Variants in GALNT9 observed in about 807,000 individuals in gnomAD.
GALNT9 encodes polypeptide N-acetylgalactosaminyltransferase 9.
Under a neutral mutation model 63.1 loss-of-function variants are expected in GALNT9, and 47 were observed. The observed-to-expected ratio is 0.75, with a 90% CI of 0.59 to 0.95. The LOEUF is 0.95. Ranked by LOEUF, GALNT9 falls within the 40% of genes least tolerant of loss-of-function variation. GALNT9 has a pLI of 0.00. For synonymous variants in GALNT9, 396 were observed against 365.7 expected, an observed-to-expected ratio of 1.08 and a Z score of -0.94; for missense variants, 829 against 874.8, an observed-to-expected ratio of 0.95 and a Z score of 0.66.
At chr12:132,288,464 T>C (rs1404777652) in intron 1 of GALNT9, among the ~76,000 whole-genome samples, 1 of 152,264 alleles carries the variant, frequency 6.6e-6, no homozygotes, top group Non-Finnish European at 1.5e-5. Flanking sequence ...TTTTTCACTT[T>C]GGAAAGTCTG....
At position 132,321,881 on chromosome 12, in the gene GALNT9, G is replaced by A. The variant is rs998730952; in HGVS notation, c.238+7085C>T. ...AGGCCGGGAGTTGGATGTCAGGCGC[G>A]CAGGGCCACACTCCCTCTGAAGGCA... On this transcript the variant is annotated intron_variant, in intron 1 of 10. Coordinates refer to ENST00000328957, the MANE Select transcript of GALNT9 (RefSeq NM_001122636.2). Among the ~76,000 whole-genome samples, 16 of 151,964 alleles carry A rather than the reference G, an allele frequency of 1.1e-4. No homozygotes were observed. The East Asian group carries it at 1.4e-3, about 13-fold the overall frequency.
At chr12:132,206,456 G>A (rs1005944904) in intron 6 of GALNT9, among the ~76,000 whole-genome samples, 2 of 151,942 alleles carry the variant, frequency 1.3e-5, no homozygotes, top group South Asian at 2.1e-4. Context: ...GAGACCGCCT[G>A]GCCAACATGA....
At chr12:132,274,762 C>T (rs1436436919) in intron 2 of GALNT9, 1 of 152,346 alleles carries the variant, frequency 6.6e-6, no homozygotes, top group African/African-American at 2.4e-5. Flanking sequence ...TACAGCACCA[C>T]ACACACATGC....
intron 6 of GALNT9, among the ~76,000 whole-genome samples, chr12:132,229,041 C>T (rs1390431663): frequency 2.6e-5 from 4 of 152,160 alleles, no homozygotes; most frequent in Non-Finnish European, 2.9e-5. Flanking sequence ...CACATGGCCA[C>T]GTGGTCCTGG....
At chr12:132,253,293 A>G (rs2135538469) in intron 5 of GALNT9, among the ~76,000 whole-genome samples, 1 of 152,074 alleles carries the variant, frequency 6.6e-6, no homozygotes, top group Middle Eastern at 3.4e-3. Flanking sequence ...CCAGCCTCCC[A>G]CAGGAAGCTG....
chr12:132,244,828 G>A (rs1461639017), intron 6 of GALNT9, among the ~76,000 whole-genome samples: 9 of 150,366 alleles, frequency 6.0e-5, no homozygotes, highest in Non-Finnish European at 1.2e-4. Flanking sequence ...GGAGTTGGAC[G>A]GGGGCGTGGT....
At chr12:132,228,262 A>ATCCCTCCCCGGCG (rs1877769780) in intron 6 of GALNT9, among the ~76,000 whole-genome samples, 1 of 151,144 alleles carries the variant, frequency 6.6e-6, no homozygotes, top group East Asian at 2.0e-4. Context: ...TGACACCTGC[A>ATCCCTCCCCGGCG]TCCCTCCCCG....
At chr12:132,220,300 G>C (rs955657312) in intron 6 of GALNT9, among the ~76,000 whole-genome samples, 1 of 152,146 alleles carries the variant, frequency 6.6e-6, no homozygotes, top group East Asian at 1.9e-4. Context: ...TTCTAGGAGC[G>C]TCAGCCAAGA....
chr12:132,268,336 A>G (rs1879735152), intron 2 of GALNT9, among the ~76,000 whole-genome samples: 1 of 152,120 alleles, frequency 6.6e-6, no homozygotes, highest in African/African-American at 2.4e-5. Context: ...AGCAACAAAC[A>G]CTTCTTATTC....
chr12:132,268,101 G>A (rs573055754), intron 2 of GALNT9, among the ~76,000 whole-genome samples: 9 of 138,930 alleles, frequency 6.5e-5, no homozygotes, highest in African/African-American at 2.5e-4. Flanking sequence ...ACCCACACGC[G>A]CACTCACACA....
At chr12:132,229,382 C>G (rs1291784477) in intron 6 of GALNT9, among the ~76,000 whole-genome samples, 6 of 152,266 alleles carry the variant, frequency 3.9e-5, no homozygotes, top group African/African-American at 1.4e-4. Flanking sequence ...TGAGCTCACT[C>G]AGGAGTCTGT....
intron 2 of GALNT9, among the ~76,000 whole-genome samples, chr12:132,266,488 A>G (rs1467554094): frequency 6.6e-6 from 1 of 152,254 alleles, no homozygotes; most frequent in Non-Finnish European, 1.5e-5. Flanking sequence ...GAGGAAATGC[A>G]ACACGGAGGC....
At chr12:132,299,267 T>C (rs1881201197) in intron 1 of GALNT9, among the ~76,000 whole-genome samples, 1 of 134,440 alleles carries the variant, frequency 7.4e-6, no homozygotes, top group African/African-American at 2.9e-5. Flanking sequence ...AAGCCACTCC[T>C]GAGATAACTC....
intron 1 of GALNT9, among the ~76,000 whole-genome samples, chr12:132,298,815 A>G (rs1323899787): frequency 6.9e-6 from 1 of 144,342 alleles, no homozygotes; most frequent in African/African-American, 2.6e-5. Flanking sequence ...CTCCTGAGAT[A>G]ACTCACACCC....
chr12:132,201,311 G>A (rs1876081936), intron 7 of GALNT9, 50 bp from the exon 8 acceptor site: 1 of 1,363,938 alleles, frequency 7.3e-7, no homozygotes, highest in Non-Finnish European at 1.0e-6. Flanking sequence ...ACCATGACCT[G>A]GGTCTTCCCC....
At chr12:132,309,456 G>A (rs1177674693) in intron 1 of GALNT9, among the ~76,000 whole-genome samples, 3 of 152,238 alleles carry the variant, frequency 2.0e-5, no homozygotes, top group South Asian at 2.1e-4. Context: ...TGGGAGTAAG[G>A]TCTTTCCAGG....
intron 1 of GALNT9, among the ~76,000 whole-genome samples, chr12:132,328,035 G>A (rs1023744486): frequency 2.6e-5 from 4 of 152,170 alleles, no homozygotes; most frequent in East Asian, 1.9e-4. Flanking sequence ...CTGAATCATC[G>A]GCACGGAACG....
At chr12:132,224,621 CACCCCATAT>C (rs1286485472) in intron 6 of GALNT9, among the ~76,000 whole-genome samples, 2 of 45,080 alleles carry the variant, frequency 4.4e-5, no homozygotes, top group African/African-American at 9.9e-5. Flanking sequence ...ACACCCCATA[CACCCCATAT>C]ACACACCCCA....
At position 132,265,533 on chromosome 12, in the gene GALNT9, G is replaced by A. The variant is rs903899780; in HGVS notation, c.420-2908C>T. 1.3e-5 allele frequency among the ~76,000 whole-genome samples: 2 copies of A among 152,228 alleles called. No homozygotes were observed. The highest frequency in any genetic ancestry group is 2.9e-5 in the Non-Finnish European group (2 of 68,044). On this transcript the variant is annotated intron_variant, in intron 2 of 10. Transcript: ENST00000328957. The surrounding 1 kb of genome is among the most constrained non-coding windows in gnomAD (Gnocchi z 5.3). ...GCTTGAGGCAGGATCGGTAGGATGA[G>A]GAGGCCACACTGACGTCCTTGTTCC...
Sources: gnomAD v4.1 joint callset for allele counts (sites outside exome capture counted in the v4.1 genomes callset) on GRCh38, gnomAD v4.1.1 for gene constraint, Gnocchi (gnomAD v3.1) non-coding constraint, MANE v1.5 for transcripts, NCBI Gene and HGNC (gene_info 2026-07-23, HGNC 2026-07-21) for gene names.